The following COMMD1 variants were observed in gnomAD, a reference collection of about 807,000 sequenced individuals.
The protein encoded by COMMD1 is COMM domain-containing protein 1.
A neutral mutation model predicts 17.2 loss-of-function variants in COMMD1; 10 were observed. That is an observed-to-expected ratio of 0.58 (90% confidence interval 0.36 to 0.99). COMMD1 has a LOEUF of 0.99. Ranked by LOEUF, COMMD1 falls within the 50% of genes least tolerant of loss-of-function variation. The pLI, the probability that COMMD1 is intolerant of heterozygous loss-of-function variation, is 0.01. For missense variants in COMMD1, 270 were observed against 231.8 expected, an observed-to-expected ratio of 1.17 and a Z score of -1.07; for synonymous variants, 97 against 91.6, an observed-to-expected ratio of 1.06 and a Z score of -0.34.
chr2:61,988,990 C>T (rs1288146570), intron 1 of COMMD1, among the ~76,000 whole-genome samples: 1 of 152,178 alleles, frequency 6.6e-6, no homozygotes, highest in African/African-American at 2.4e-5. Flanking sequence ...CAGATTCTCT[C>T]TACTTGGCTG....
intron 2 of COMMD1, among the ~76,000 whole-genome samples, chr2:62,041,230 T>C (rs1477563677): frequency 1.3e-5 from 2 of 152,238 alleles, no homozygotes; most frequent in African/African-American, 4.8e-5. Context: ...GGCTTTAGTT[T>C]ATTTTAAATT....
chr2:61,911,997 C>T (rs1669918608), intron 1 of COMMD1, among the ~76,000 whole-genome samples: 1 of 152,182 alleles, frequency 6.6e-6, no homozygotes, highest in Admixed American at 6.6e-5. Context: ...ACCTGAACGT[C>T]ATTTCCTATG....
chr2:61,903,476 T>C (rs1669701547), upstream of COMMD1, among the ~76,000 whole-genome samples: 1 of 149,824 alleles, frequency 6.7e-6, no homozygotes. Flanking sequence ...CTTTACTGGA[T>C]AAACATTAAT....
chr2:62,030,783 C>T (rs750830743), intron 2 of COMMD1, among the ~76,000 whole-genome samples: 2 of 151,756 alleles, frequency 1.3e-5, no homozygotes, highest in African/African-American at 4.8e-5. Context: ...TGATAATATC[C>T]AAAATGTATT....
rs764679623 is a variant in COMMD1 at position 62,065,466 on chromosome 2, G to A, written c.462+64484G>A. Among the ~76,000 whole-genome samples, 71 of 146,588 alleles carry A rather than the reference G, an allele frequency of 4.8e-4. 1 individual carries two copies. The highest frequency in any genetic ancestry group is 7.0e-3 in the Middle Eastern group (2 of 286). The stretch of plus-strand genomic sequence containing the variant: ...AGCCTCCTGAGTGGCTGGAACAACA[G>A]CCATGCACCACCACACCTGACTACT... On this transcript the variant is annotated intron_variant, in intron 2 of 2. Coordinates refer to ENST00000311832, the MANE Select transcript of COMMD1 (RefSeq NM_152516.4).
intron 2 of COMMD1, among the ~76,000 whole-genome samples, chr2:62,026,307 G>C (rs1461433518): frequency 2.0e-5 from 3 of 152,140 alleles, no homozygotes; most frequent in Non-Finnish European, 4.4e-5. Flanking sequence ...AGGCTTCAGG[G>C]AGTTTTTACT....
chr2:61,917,086 G>T (rs1300705160), intron 1 of COMMD1, among the ~76,000 whole-genome samples: 1 of 152,050 alleles, frequency 6.6e-6, no homozygotes, highest in African/African-American at 2.4e-5. Flanking sequence ...GGACACAAAG[G>T]CTCATGCCTG....
chr2:62,130,676 G>A (rs150678982), intron 2 of COMMD1, among the ~76,000 whole-genome samples: 1 of 152,102 alleles, frequency 6.6e-6, no homozygotes, highest in Non-Finnish European at 1.5e-5. Flanking sequence ...TGTTGAATTT[G>A]TTCTAAATGG....
intron 2 of COMMD1, among the ~76,000 whole-genome samples, chr2:62,101,605 G>C (rs1049801107): frequency 6.6e-6 from 1 of 151,070 alleles, no homozygotes; most frequent in African/African-American, 2.5e-5. Flanking sequence ...ACAAGACCCT[G>C]TCTCTCTCTC....
chr2:62,100,003 C>G (rs1672131269), intron 2 of COMMD1, among the ~76,000 whole-genome samples: 1 of 151,760 alleles, frequency 6.6e-6, no homozygotes, highest in Non-Finnish European at 1.5e-5. Flanking sequence ...ACAGACAAGC[C>G]AATTGAGATT....
intron 1 of COMMD1, among the ~76,000 whole-genome samples, chr2:61,957,881 C>G (rs1671237849): frequency 6.6e-6 from 1 of 152,048 alleles, no homozygotes; most frequent in Non-Finnish European, 1.5e-5. Flanking sequence ...ATGGAATAAC[C>G]CTAAGTGAGG....
intron 1 of COMMD1, among the ~76,000 whole-genome samples, chr2:61,998,323 T>C (rs1338441900): frequency 6.6e-6 from 1 of 150,876 alleles, no homozygotes; most frequent in Admixed American, 6.6e-5. Context: ...GCAGTCGTAC[T>C]ATCTTGGCTC....
At chr2:61,899,419 A>G (rs1438317367) in intron 1 of COMMD1, among the ~76,000 whole-genome samples, 1 of 152,180 alleles carries the variant, frequency 6.6e-6, no homozygotes, top group Non-Finnish European at 1.5e-5. Flanking sequence ...ATATAAAAGC[A>G]TTTAAGTGTT....
chr2:62,085,900 C>T (rs552663836), intron 2 of COMMD1, among the ~76,000 whole-genome samples: 10 of 152,212 alleles, frequency 6.6e-5, no homozygotes, highest in Non-Finnish European at 1.0e-4. Context: ...ATGGCGTGAA[C>T]CCGGGAGGCG....
At chr2:62,004,964 C>A (rs1669070628) in intron 2 of COMMD1, among the ~76,000 whole-genome samples, 1 of 152,154 alleles carries the variant, frequency 6.6e-6, no homozygotes, top group Non-Finnish European at 1.5e-5. Flanking sequence ...GTGTTTATGT[C>A]TATCTGTGTA....
chr2:62,088,990 A>G (rs1004896982), intron 2 of COMMD1, among the ~76,000 whole-genome samples: 4 of 152,344 alleles, frequency 2.6e-5, no homozygotes, highest in Middle Eastern at 3.4e-3. Context: ...TTTCTGGTTG[A>G]CAATTGGTTA....
chr2:62,028,222 C>G lies in COMMD1; in HGVS notation c.462+27240C>G, dbSNP rs376026286. ...AGAGGACAGGTTGTCAGCATGATTA[C>G]TCTGTCTTTAAGCTTCTGCATAGGT... On this transcript the variant is annotated intron_variant, in intron 2 of 2. Transcript: ENST00000311832. Among the ~76,000 whole-genome samples, 94 of 152,112 alleles carry G rather than the reference C, an allele frequency of 6.2e-4. No individual in the cohort carries two copies. In the South Asian group the frequency reaches 0.019, roughly 31 times the overall value.
At chr2:62,125,204 T>A (rs187261383) in intron 2 of COMMD1, among the ~76,000 whole-genome samples, 2 of 152,342 alleles carry the variant, frequency 1.3e-5, no homozygotes, top group Admixed American at 1.3e-4. Context: ...AAACACTTCC[T>A]CTAGAAGATT....
chr2:62,042,187 C>A (rs971179393), intron 2 of COMMD1, among the ~76,000 whole-genome samples: 4 of 152,214 alleles, frequency 2.6e-5, no homozygotes, highest in Admixed American at 1.3e-4. Flanking sequence ...GGTGCACTTA[C>A]AATCCCTTAG....
Sources: gnomAD v4.1 joint callset for allele counts (sites outside exome capture counted in the v4.1 genomes callset) on GRCh38, gnomAD v4.1.1 for gene constraint, MANE v1.5 for transcripts, NCBI Gene and HGNC (gene_info 2026-07-23, HGNC 2026-07-21) for gene names.